Variants in LRP2 observed in about 807,000 individuals in gnomAD.
LRP2 encodes LDL receptor related protein 2.
Under a neutral mutation model 531.0 loss-of-function variants are expected in LRP2, and 172 were observed. The observed-to-expected ratio is 0.32, with a 90% CI of 0.29 to 0.37. LRP2 has a LOEUF of 0.37. Ranked by LOEUF, LRP2 falls within the 10% of genes least tolerant of loss-of-function variation. The pLI, the probability that LRP2 is intolerant of heterozygous loss-of-function variation, is 1.00. For synonymous variants in LRP2, 1,992 were observed against 2,027.6 expected (o/e 0.98, Z 0.47); for missense variants, 5,167 against 5,868.3 (o/e 0.88, Z 3.90).
intron 9 of LRP2, among the ~76,000 whole-genome samples, chr2:169,285,578 T>C (rs1683833707): frequency 6.6e-6 from 1 of 152,146 alleles, no homozygotes; most frequent in Non-Finnish European, 1.5e-5. Context: ...CACCAACAAA[T>C]ACTGCTGTGA....
chr2:169,182,221 T>G lies in LRP2; in HGVS notation c.9944A>C (p.Asn3315Thr). 6.2e-7 allele frequency: 1 copy of G among 1,614,176 alleles called. No individual in the cohort carries two copies. Among genetic ancestry groups the G allele is most frequent in the Non-Finnish European group, 8.5e-7 (1 of 1,180,002 alleles). ...RMLAQHCVDA[N>T]NTFCFDNPRG... ...GGGATTATCAAAGCAGAAGGTGTTG[T>G]TGGCATCCACACAGTGCTGGGCCAG... The change falls in exon 51 of 79, where the codon AAC becomes ACC. Residue 3315 changes from asparagine (N) to threonine (T), a missense_variant. This residue lies in a region of LRP2 where 1,129 missense variants were observed against 1,362.7 expected (regional missense o/e 0.83). Transcript: ENST00000649046.
chr2:169,351,246 G>A (rs1309163964), intron 1 of LRP2, among the ~76,000 whole-genome samples: 2 of 152,192 alleles, frequency 1.3e-5, no homozygotes, highest in African/African-American at 4.8e-5. Context: ...TATCTATCAA[G>A]GATGAGGGCT....
At chr2:169,145,143 A>G (rs1459757851) in intron 70 of LRP2, among the ~76,000 whole-genome samples, 3 of 152,232 alleles carry the variant, frequency 2.0e-5, no homozygotes, top group Admixed American at 6.5e-5. Context: ...AGAATTTGAC[A>G]TAAGAACTTA....
chr2:169,355,439 C>T (rs1685963063), intron 1 of LRP2, among the ~76,000 whole-genome samples: 2 of 152,158 alleles, frequency 1.3e-5, no homozygotes, highest in Admixed American at 6.5e-5. Context: ...CCAATAATTA[C>T]CCCCATTTCT....
chr2:169,207,346 A>ATATATAAG, intron 38 of LRP2, 96 bp from the exon 39 acceptor site: 2 of 850,168 alleles, frequency 2.4e-6, no homozygotes, highest in Non-Finnish European at 2.0e-6. Context: ...ATAAGGTTGA[A>ATATATAAG]GTCTGGGTCA....
Position 169,139,337 on chromosome 2 carries a change from G to C in LRP2, c.13302C>G (p.Ile4434Met), listed in dbSNP as rs559818035. 3.7e-6 allele frequency: 6 copies of C among 1,614,072 alleles called. No individual in the cohort carries two copies. The highest frequency in any genetic ancestry group is 4.2e-6 in the Non-Finnish European group (5 of 1,180,010). The change falls in exon 74 of 79, where the codon ATC (isoleucine) becomes ATG (methionine). Residue 4434 changes from isoleucine (I) to methionine (M), a missense_variant. By Grantham distance (10) the Ile-to-Met change is conservative. Around this residue, in one of 6 missense-constraint regions of LRP2, gnomAD observed 348 missense variants for 369.3 expected, o/e 0.94. Transcript: ENST00000649046. ...CAATTGCCAGAGCTCCAATTACGACGATCAAGAGGATTGTCAACAGCACAG... is the reference window on the plus strand; with the variant it reads ...CAATTGCCAGAGCTCCAATTACGACCATCAAGAGGATTGTCAACAGCACAG... Reference protein sequence around the residue: ...AVAVLLTILLIVVIGALAIAG... With the variant: ...AVAVLLTILLMVVIGALAIAG...
intron 4 of LRP2, among the ~76,000 whole-genome samples, chr2:169,298,738 A>C (rs1341538172): frequency 6.6e-6 from 1 of 151,998 alleles, no homozygotes; most frequent in Non-Finnish European, 1.5e-5. Flanking sequence ...AATATGATAT[A>C]ATCTAGGAAT....
At chr2:169,272,231 A>T (rs1434136724) in intron 15 of LRP2, among the ~76,000 whole-genome samples, 3 of 152,164 alleles carry the variant, frequency 2.0e-5, no homozygotes, top group African/African-American at 7.2e-5. Flanking sequence ...GTAGGAGTGC[A>T]TTTCATCATT....
At chr2:169,265,003 T>G (rs1163518161) in intron 16 of LRP2, among the ~76,000 whole-genome samples, 1 of 152,000 alleles carries the variant, frequency 6.6e-6, no homozygotes, top group East Asian at 1.9e-4. Context: ...CCCTTTCCTC[T>G]GCCCACTCCC....
At chr2:169,232,995 T>C (rs1383459703) in intron 30 of LRP2, among the ~76,000 whole-genome samples, 1 of 152,192 alleles carries the variant, frequency 6.6e-6, no homozygotes, top group Non-Finnish European at 1.5e-5. Flanking sequence ...GGACAACTCG[T>C]GCTGGCTACA....
intron 32 of LRP2, among the ~76,000 whole-genome samples, chr2:169,225,665 T>C (rs1019191902): frequency 6.6e-6 from 1 of 152,208 alleles, no homozygotes; most frequent in Admixed American, 6.5e-5. Flanking sequence ...ATTCAGGCTA[T>C]CTCCAGTACT....
At chr2:169,144,640 G>C (rs1424780766) in intron 70 of LRP2, among the ~76,000 whole-genome samples, 1 of 152,222 alleles carries the variant, frequency 6.6e-6, no homozygotes, top group African/African-American at 2.4e-5. Context: ...AGGGTCTGGA[G>C]TATTCTGGAG....
chr2:169,257,842 A>C (rs989250509), intron 17 of LRP2, among the ~76,000 whole-genome samples: 82 of 147,400 alleles, frequency 5.6e-4, no homozygotes, highest in African/African-American at 1.8e-3. Flanking sequence ...AAAAAACACA[A>C]AAAAAACAAA....
intron 1 of LRP2, among the ~76,000 whole-genome samples, chr2:169,344,048 C>T (rs2105563718): frequency 6.6e-6 from 1 of 152,272 alleles, no homozygotes; most frequent in South Asian, 2.1e-4. Context: ...CAGTGAAAAT[C>T]CTCAGAGAAT....
chr2:169,130,651 A>G (rs1456212543), intron 77 of LRP2, among the ~76,000 whole-genome samples: 1 of 152,214 alleles, frequency 6.6e-6, no homozygotes, highest in Non-Finnish European at 1.5e-5. Context: ...GGACTCTGGC[A>G]TATTCAAATC....
At chr2:169,149,782 G>A (rs1337694227) in intron 68 of LRP2, among the ~76,000 whole-genome samples, 4 of 151,596 alleles carry the variant, frequency 2.6e-5, no homozygotes, top group Non-Finnish European at 5.9e-5. Flanking sequence ...GTTGCAGTGA[G>A]CCGAGATCAT....
intron 34 of LRP2, among the ~76,000 whole-genome samples, chr2:169,216,846 T>A (rs1284791872): frequency 6.6e-6 from 1 of 152,172 alleles, no homozygotes; most frequent in East Asian, 1.9e-4. Context: ...CTCATTTAAT[T>A]ATTCCCCAAA....
At chr2:169,275,276 A>T (rs1184698149) in intron 13 of LRP2, 38 bp from the exon 14 acceptor site, 3 of 1,536,722 alleles carry the variant, frequency 2.0e-6, no homozygotes, top group Non-Finnish European at 2.7e-6. Context: ...ACAATTTGTT[A>T]GTTTTGCTTT....
chr2:169,192,049 G>A lies in LRP2; in HGVS notation c.8831-16C>T, dbSNP rs775327679. The A allele has an allele frequency of 1.2e-5, 19 of 1,603,170 alleles. No individual in the cohort carries two copies. Among genetic ancestry groups the A allele is most frequent in the Middle Eastern group, 1.7e-4 (1 of 6,006 alleles). ...TTTTGATTCTCTGAAACCAAAGCAC[G>A]CAAGAATCAGAAAGCATGAGAGCTC... On this transcript the variant is annotated splice_polypyrimidine_tract_variant and intron_variant, in intron 47 of 78. Coordinates refer to ENST00000649046, the MANE Select transcript of LRP2 (RefSeq NM_004525.3).
Sources: gnomAD v4.1 joint callset for allele counts (sites outside exome capture counted in the v4.1 genomes callset) on GRCh38, gnomAD v4.1.1 for gene constraint, gnomAD v4.1.1 regional missense constraint, MANE v1.5 for transcripts, NCBI Gene and HGNC (gene_info 2026-07-23, HGNC 2026-07-21) for gene names.